Variants in KCNQ5 observed in about 807,000 individuals in gnomAD.
The protein encoded by KCNQ5 is potassium voltage-gated channel subfamily Q member 5.
A neutral mutation model predicts 98.2 loss-of-function variants in KCNQ5; 30 were observed. That is an observed-to-expected ratio of 0.31 (90% CI 0.23 to 0.41). The LOEUF (loss-of-function observed/expected upper bound fraction) is 0.41. KCNQ5 is among the 10% of genes least tolerant of loss of function. KCNQ5 has a pLI of 1.00. For missense variants in KCNQ5, 835 were observed against 1,182.5 expected, an observed-to-expected ratio of 0.71 and a Z score of 4.31; for synonymous variants, 458 against 449.4, an observed-to-expected ratio of 1.02 and a Z score of -0.24.
At chr6:73,043,958 A>G (rs1771837162) in intron 3 of KCNQ5, among the ~76,000 whole-genome samples, 1 of 152,108 alleles carries the variant, frequency 6.6e-6, no homozygotes, top group African/African-American at 2.4e-5. Flanking sequence ...CTATAATCTT[A>G]CTTGCCTTTG....
At chr6:72,941,301 CTTCCTTCCTTCCTTCCTTCT>C (rs2150239741) in intron 1 of KCNQ5, among the ~76,000 whole-genome samples, 1 of 68,548 alleles carries the variant, frequency 1.5e-5, no homozygotes, top group South Asian at 7.8e-4. Context: ...CCCTGCTCAT[CTTCCTTCCTTCCTTCCTTCT>C]TTCCTTCCTT....
At chr6:73,148,598 G>A (rs1777014852) in intron 10 of KCNQ5, among the ~76,000 whole-genome samples, 1 of 152,174 alleles carries the variant, frequency 6.6e-6, no homozygotes, top group Non-Finnish European at 1.5e-5. Flanking sequence ...TGCAGGCCCT[G>A]TGCACAGTAT....
intron 10 of KCNQ5, among the ~76,000 whole-genome samples, chr6:73,140,835 G>C (rs16883387): frequency 0.02 from 2,972 of 152,152 alleles, 217 homozygotes; most frequent in Admixed American, 0.12. Context: ...TGATCCATAG[G>C]TGTCTTTTTT....
chr6:72,778,011 G>T (rs1773249334), intron 1 of KCNQ5, among the ~76,000 whole-genome samples: 1 of 152,142 alleles, frequency 6.6e-6, no homozygotes, highest in Non-Finnish European at 1.5e-5. Context: ...CTCAAGGAAG[G>T]CATGCAATTT....
At chr6:72,886,498 T>C (rs1778847177) in intron 1 of KCNQ5, among the ~76,000 whole-genome samples, 1 of 152,090 alleles carries the variant, frequency 6.6e-6, no homozygotes, top group Non-Finnish European at 1.5e-5. Context: ...GAATACAGAA[T>C]TATAAAGAAA....
chr6:73,148,563 T>C (rs1333611598), intron 10 of KCNQ5, among the ~76,000 whole-genome samples: 1 of 152,230 alleles, frequency 6.6e-6, no homozygotes, highest in African/African-American at 2.4e-5. Context: ...TGATTGAATC[T>C]CCCAGCAACC....
chr6:73,018,048 C>T (rs1382015624), intron 2 of KCNQ5, among the ~76,000 whole-genome samples: 3 of 152,078 alleles, frequency 2.0e-5, no homozygotes, highest in Admixed American at 6.5e-5. Flanking sequence ...TCAAATGCAA[C>T]CTCAAAAGAA....
intron 1 of KCNQ5, among the ~76,000 whole-genome samples, chr6:72,710,080 G>A (rs937528581): frequency 6.6e-6 from 1 of 152,142 alleles, no homozygotes; most frequent in African/African-American, 2.4e-5. Flanking sequence ...TAAGGTCAGT[G>A]AGATAGGAAA....
chr6:73,043,027 C>A, intron 3 of KCNQ5: 1 of 208,096 alleles, frequency 4.8e-6, no homozygotes, highest in South Asian at 8.3e-5. Context: ...ATAGTTTAGG[C>A]TATCTTCTAC....
chr6:72,674,257 C>T (rs182421329), intron 1 of KCNQ5, among the ~76,000 whole-genome samples: 127 of 151,648 alleles, frequency 8.4e-4, no homozygotes, highest in Non-Finnish European at 1.5e-3. Context: ...TTTCCAAAGC[C>T]TTGGTAATAC....
chr6:72,889,811 A>G (rs896854187), intron 1 of KCNQ5, among the ~76,000 whole-genome samples: 5 of 152,236 alleles, frequency 3.3e-5, no homozygotes, highest in African/African-American at 1.2e-4. Flanking sequence ...AAAATATTGC[A>G]TGTACCTAGA....
At chr6:72,690,142 G>A (rs1293663112) in intron 1 of KCNQ5, among the ~76,000 whole-genome samples, 3 of 151,914 alleles carry the variant, frequency 2.0e-5, no homozygotes, top group South Asian at 2.1e-4. Context: ...GTATGATGGC[G>A]GATGCTCTAG....
intron 1 of KCNQ5, among the ~76,000 whole-genome samples, chr6:72,673,181 T>G (rs7768117): frequency 0.44 from 66,332 of 151,794 alleles, 15,631 homozygotes; most frequent in African/African-American, 0.59. Context: ...GTTAACTCCA[T>G]AGACTCAGGG....
chr6:72,835,539 A>C (rs928441253), intron 1 of KCNQ5, among the ~76,000 whole-genome samples: 8 of 152,134 alleles, frequency 5.3e-5, no homozygotes, highest in African/African-American at 1.9e-4. Flanking sequence ...TATTTTTATC[A>C]TGAGTAGAGT....
intron 1 of KCNQ5, among the ~76,000 whole-genome samples, chr6:72,662,072 A>C (rs542731748): frequency 4.2e-4 from 64 of 152,064 alleles, no homozygotes; most frequent in Non-Finnish European, 8.4e-4. Flanking sequence ...TTTTGGCATA[A>C]TCTTTCTTCT....
intron 1 of KCNQ5, among the ~76,000 whole-genome samples, chr6:72,826,677 A>G (rs563295762): frequency 6.6e-6 from 1 of 152,250 alleles, no homozygotes; most frequent in South Asian, 2.1e-4. Flanking sequence ...GAACAGGGTA[A>G]TTTGCATATC....
intron 5 of KCNQ5, among the ~76,000 whole-genome samples, chr6:73,103,548 T>G (rs949597250): frequency 6.6e-6 from 1 of 152,154 alleles, no homozygotes; most frequent in Non-Finnish European, 1.5e-5. Flanking sequence ...GATGAGTTAA[T>G]GGGTGCAGCA....
At chr6:72,651,425 G>A (rs1378244190) in intron 1 of KCNQ5, among the ~76,000 whole-genome samples, 1 of 152,062 alleles carries the variant, frequency 6.6e-6, no homozygotes, top group African/African-American at 2.4e-5. Flanking sequence ...ATGGGGTGTG[G>A]TAGAATTGTA....
chr6:72,904,563 AGTG>A (rs923959140), intron 1 of KCNQ5, among the ~76,000 whole-genome samples: 1 of 152,202 alleles, frequency 6.6e-6, no homozygotes, highest in African/African-American at 2.4e-5. Context: ...GGTGGCTAGT[AGTG>A]GTGGATTCTC....
Sources: gnomAD v4.1 joint callset for allele counts (sites outside exome capture counted in the v4.1 genomes callset) on GRCh38, gnomAD v4.1.1 for gene constraint, MANE v1.5 for transcripts, NCBI Gene and HGNC (gene_info 2026-07-23, HGNC 2026-07-21) for gene names.